The following ARHGAP26 variants were observed in gnomAD, a reference collection of about 807,000 sequenced individuals.
The protein encoded by ARHGAP26 is Rho GTPase activating protein 26.
In ARHGAP26, 38 loss-of-function variants were observed where a neutral mutation model predicts 104.8. That is an observed-to-expected ratio of 0.36 (90% confidence interval 0.28 to 0.48). The LOEUF (loss-of-function observed/expected upper bound fraction) is 0.48, where lower values mean the gene tolerates loss of function less well. Among genes scored for constraint, ARHGAP26 ranks in the 20% least tolerant of loss-of-function variants. ARHGAP26 has a pLI of 0.99. For synonymous variants in ARHGAP26, 341 were observed against 340.0 expected (o/e 1.00, Z -0.03); for missense variants, 704 against 947.9 (o/e 0.74, Z 3.38).
intron 10 of ARHGAP26, among the ~76,000 whole-genome samples, chr5:142,915,056 G>T (rs1210928424): frequency 6.6e-6 from 1 of 152,152 alleles, no homozygotes; most frequent in Non-Finnish European, 1.5e-5. Flanking sequence ...TTATTTTTGT[G>T]TTTTCATCTT....
intron 20 of ARHGAP26, among the ~76,000 whole-genome samples, chr5:143,205,198 G>C (rs1007073344): frequency 6.6e-6 from 1 of 152,076 alleles, no homozygotes; most frequent in Non-Finnish European, 1.5e-5. Flanking sequence ...TTACATTACT[G>C]TTGTTTTTAA....
chr5:142,926,803 C>T (rs116225661), intron 10 of ARHGAP26, among the ~76,000 whole-genome samples: 2,120 of 152,198 alleles, frequency 0.014, 56 homozygotes, highest in African/African-American at 0.049. Flanking sequence ...CTTCTGCAGC[C>T]GTAATTTTAA....
chr5:143,011,324 T>TTA (rs1554195018), intron 11 of ARHGAP26, among the ~76,000 whole-genome samples: 3 of 145,548 alleles, frequency 2.1e-5, no homozygotes, highest in African/African-American at 5.1e-5. Flanking sequence ...TTTTTTTTTT[T>TTA]ACTTTCTCCA....
At chr5:143,173,505 A>G (rs938395421) in intron 20 of ARHGAP26, among the ~76,000 whole-genome samples, 5 of 152,206 alleles carry the variant, frequency 3.3e-5, no homozygotes, top group African/African-American at 1.2e-4. Context: ...GTGGCTTTGC[A>G]TTGTTTTATT....
chr5:142,922,714 T>C (rs2152508394), intron 10 of ARHGAP26, among the ~76,000 whole-genome samples: 1 of 152,342 alleles, frequency 6.6e-6, no homozygotes, highest in South Asian at 2.1e-4. Flanking sequence ...GATTTCACTG[T>C]CCTGTGTGTG....
chr5:143,059,054 T>C (rs1195858516), intron 17 of ARHGAP26, among the ~76,000 whole-genome samples: 2 of 152,242 alleles, frequency 1.3e-5, no homozygotes, highest in Non-Finnish European at 2.9e-5. Context: ...CCAGATGCTC[T>C]GAGATGACAG....
chr5:143,113,724 A>T (rs2150733295), intron 17 of ARHGAP26, among the ~76,000 whole-genome samples: 1 of 152,342 alleles, frequency 6.6e-6, no homozygotes, highest in South Asian at 2.1e-4. Context: ...ACAGGCATAA[A>T]TGCTCTTTCT....
chr5:143,207,478 A>G (rs1042186972), intron 21 of ARHGAP26, 170 bp downstream of exon 21: 11 of 1,613,422 alleles, frequency 6.8e-6, no homozygotes, highest in Non-Finnish European at 8.5e-6. Context: ...CTCCAGGTAA[A>G]ATCTCGGATG....
intron 17 of ARHGAP26, among the ~76,000 whole-genome samples, chr5:143,115,658 C>T (rs1795349750): frequency 6.6e-6 from 1 of 152,154 alleles, no homozygotes; most frequent in African/African-American, 2.4e-5. Flanking sequence ...ATGACAAGAG[C>T]AGATGTCATT....
chr5:143,177,850 T>C (rs1400569633), intron 20 of ARHGAP26, among the ~76,000 whole-genome samples: 1 of 152,052 alleles, frequency 6.6e-6, no homozygotes, highest in Non-Finnish European at 1.5e-5. Flanking sequence ...CACTTGAGGG[T>C]GCTCTTTCCA....
chr5:143,132,221 A>G (rs1208472223), intron 18 of ARHGAP26, among the ~76,000 whole-genome samples: 2 of 151,954 alleles, frequency 1.3e-5, no homozygotes, highest in South Asian at 2.1e-4. Context: ...GGACCCGCCA[A>G]CCCATGGAGA....
intron 12 of ARHGAP26, among the ~76,000 whole-genome samples, chr5:143,028,596 A>G (rs1015738282): frequency 1.3e-5 from 2 of 152,204 alleles, no homozygotes; most frequent in African/African-American, 4.8e-5. Flanking sequence ...TGTATTGAAT[A>G]CCAAGTAAAT....
At chr5:142,801,086 G>T (rs1761993842) in intron 1 of ARHGAP26, among the ~76,000 whole-genome samples, 1 of 152,210 alleles carries the variant, frequency 6.6e-6, no homozygotes, top group Non-Finnish European at 1.5e-5. Context: ...TTAACTGCAT[G>T]ATGGTGGCTA....
At chr5:143,092,170 G>GTTTT (rs70991792) in intron 17 of ARHGAP26, among the ~76,000 whole-genome samples, 6 of 131,290 alleles carry the variant, frequency 4.6e-5, no homozygotes, top group South Asian at 2.3e-4. Context: ...TTTTTTTTTT[G>GTTTT]TTTTTTTTTT....
rs568776083 is a variant in ARHGAP26, at chr5:143,099,182, CTA to C, written c.1539-21804_1539-21803del. ...TACCAATTTTAACTTAGTTTGATATCTATCTTTGCAGAAGCTGAGTCTTCATT... is the reference window on the plus strand; with the variant it reads ...TACCAATTTTAACTTAGTTTGATATCTCTTTGCAGAAGCTGAGTCTTCATT... On this transcript the variant is annotated intron_variant, in intron 17 of 22. Transcript: ENST00000645722. Among the ~76,000 whole-genome samples, 50 of 152,316 alleles carry C rather than the reference CTA, an allele frequency of 3.3e-4. No homozygotes were observed. In the South Asian group the frequency reaches 9.8e-3, roughly 30 times the overall value.
chr5:143,030,553 G>A (rs1410107394), intron 12 of ARHGAP26, among the ~76,000 whole-genome samples: 1 of 152,226 alleles, frequency 6.6e-6, no homozygotes, highest in Admixed American at 6.5e-5. Context: ...AAGGAAGGAA[G>A]TGGTTAGATC....
chr5:143,008,910 C>T (rs1399062185), intron 11 of ARHGAP26, among the ~76,000 whole-genome samples: 1 of 152,126 alleles, frequency 6.6e-6, no homozygotes, highest in African/African-American at 2.4e-5. Context: ...TGAACTGGCT[C>T]AGCAGTGAAC....
chr5:142,840,131 G>A (rs1405641813), intron 1 of ARHGAP26, among the ~76,000 whole-genome samples: 3 of 152,162 alleles, frequency 2.0e-5, no homozygotes, highest in Non-Finnish European at 4.4e-5. Context: ...TCTGCCACAC[G>A]TTTTGACTCT....
chr5:143,077,054 A>G (rs1311897775), intron 17 of ARHGAP26, among the ~76,000 whole-genome samples: 2 of 152,224 alleles, frequency 1.3e-5, no homozygotes, highest in Admixed American at 6.5e-5. Context: ...ATTCTCTGTC[A>G]TGACTGAATT....
Sources: gnomAD v4.1 joint callset for allele counts (sites outside exome capture counted in the v4.1 genomes callset) on GRCh38, gnomAD v4.1.1 for gene constraint, MANE v1.5 for transcripts, NCBI Gene and HGNC (gene_info 2026-07-23, HGNC 2026-07-21) for gene names.